The following JARID2 variants were observed in gnomAD, a reference collection of about 807,000 sequenced individuals.
The protein encoded by JARID2 is jumonji and AT-rich interaction domain containing 2.
Under a neutral mutation model 125.6 loss-of-function variants are expected in JARID2, and 21 were observed. That is an observed-to-expected ratio of 0.17 (90% CI 0.12 to 0.24). The LOEUF (loss-of-function observed/expected upper bound fraction) is 0.24. Ranked by LOEUF, JARID2 falls within the 10% of genes least tolerant of loss-of-function variation. JARID2 has a pLI of 1.00. For missense variants in JARID2, 1,303 were observed against 1,639.6 expected (o/e 0.79, Z 3.55); for synonymous variants, 736 against 661.6 (o/e 1.11, Z -1.73).
At chr6:15,456,878 C>CTTTTT (rs71535043) in intron 4 of JARID2, among the ~76,000 whole-genome samples, 1,371 of 95,636 alleles carry the variant, frequency 0.014, 107 homozygotes, top group African/African-American at 0.033. Context: ...GGATGTTAAG[C>CTTTTT]TTTTTTTTTT....
chr6:15,339,866 C>T (rs1400571949), intron 1 of JARID2, among the ~76,000 whole-genome samples: 2 of 152,130 alleles, frequency 1.3e-5, no homozygotes, highest in African/African-American at 4.8e-5. Flanking sequence ...TTATCTGCTC[C>T]CATACAAGGT....
chr6:15,342,048 A>G (rs1229212609), intron 1 of JARID2, among the ~76,000 whole-genome samples: 3 of 152,210 alleles, frequency 2.0e-5, no homozygotes, highest in African/African-American at 7.2e-5. Flanking sequence ...GATAATTATT[A>G]CCATTTTGTG....
intron 1 of JARID2, among the ~76,000 whole-genome samples, chr6:15,372,022 C>G (rs569923586): frequency 7.2e-5 from 11 of 152,308 alleles, no homozygotes; most frequent in Admixed American, 3.9e-4. Context: ...GAGAATTACT[C>G]TCATTCTAGG....
Position 15,496,491 on chromosome 6 carries a change from G to T in JARID2, c.1266G>T (p.Val422=), listed in dbSNP as rs554145993. 6.0e-5 allele frequency: 97 copies of T among 1,609,472 alleles called. No homozygotes were observed. The highest frequency in any genetic ancestry group is 2.0e-4 in the East Asian group (9 of 44,830). Residue 422 remains valine (V), a synonymous_variant, in exon 7 of 18, where the codon GTG becomes GTT. Coordinates refer to ENST00000341776, the MANE Select transcript of JARID2 (RefSeq NM_004973.4). Reference sequence around the variant, plus strand: ...ACCCAAAGTCATGCACTAAGGAGGTGGGGGGGCGGCAGCTGCGGGAGGGCC... The same window carrying T: ...ACCCAAAGTCATGCACTAAGGAGGTTGGGGGGCGGCAGCTGCGGGAGGGCC... The part of the protein sequence containing the change: ...RLNPKSCTKE[V]GGRQLREGLQ...
intron 1 of JARID2, among the ~76,000 whole-genome samples, chr6:15,285,239 T>G (rs1431569950): frequency 1.3e-5 from 2 of 151,436 alleles, no homozygotes; most frequent in Non-Finnish European, 2.9e-5. Context: ...GCCTCCTGAG[T>G]AGCTGGGATT....
intron 1 of JARID2, among the ~76,000 whole-genome samples, chr6:15,280,646 T>G (rs1760715018): frequency 1.4e-5 from 2 of 141,412 alleles, no homozygotes; most frequent in African/African-American, 5.1e-5. Context: ...TTTTTTTTTT[T>G]GAGATGGAGT....
At chr6:15,429,677 CGT>C (rs1250469395) in intron 3 of JARID2, among the ~76,000 whole-genome samples, 1 of 152,090 alleles carries the variant, frequency 6.6e-6, no homozygotes, top group Non-Finnish European at 1.5e-5. Context: ...TGTATGCACA[CGT>C]GTGTGTGTCT....
At chr6:15,385,024 C>T (rs981364901) in intron 2 of JARID2, among the ~76,000 whole-genome samples, 5 of 152,194 alleles carry the variant, frequency 3.3e-5, no homozygotes, top group African/African-American at 1.2e-4. Flanking sequence ...TGGCAGCAGC[C>T]AGCATAAACC....
At chr6:15,274,566 A>G (rs938122286) in intron 1 of JARID2, among the ~76,000 whole-genome samples, 1 of 152,256 alleles carries the variant, frequency 6.6e-6, no homozygotes, top group Admixed American at 6.5e-5. Flanking sequence ...AATTTAACAC[A>G]GGCAAATAAG....
At chr6:15,482,708 G>T (rs1277346035) in intron 5 of JARID2, among the ~76,000 whole-genome samples, 1 of 152,170 alleles carries the variant, frequency 6.6e-6, no homozygotes, top group East Asian at 1.9e-4. Context: ...CTTTGTAGAT[G>T]ATTTCAGTAC....
intron 3 of JARID2, among the ~76,000 whole-genome samples, chr6:15,413,553 G>T (rs532387728): frequency 1.9e-3 from 293 of 152,282 alleles, no homozygotes; most frequent in Non-Finnish European, 3.5e-3. Context: ...TTATAACTTG[G>T]CAAGAGAGCA....
At chr6:15,374,599 T>C (rs1471847798) in intron 2 of JARID2, among the ~76,000 whole-genome samples, 1 of 152,220 alleles carries the variant, frequency 6.6e-6, no homozygotes, top group African/African-American at 2.4e-5. Context: ...CCGGGTTGTA[T>C]AGGAAATAGC....
chr6:15,473,939 G>A (rs889523631), intron 5 of JARID2, among the ~76,000 whole-genome samples: 3 of 152,200 alleles, frequency 2.0e-5, no homozygotes, highest in African/African-American at 4.8e-5. Flanking sequence ...TGGTGGTTTC[G>A]TGAAACCAAA....
chr6:15,489,424 C>T lies in JARID2; in HGVS notation c.906+1882C>T, dbSNP rs185217279. Among the ~76,000 whole-genome samples the T allele has an allele frequency of 3.2e-3, 484 of 152,268 alleles. 2 individuals carry two copies. The highest frequency in any genetic ancestry group is 0.017 in the Middle Eastern group (5 of 294). ...TCATGTTCTCATGCACGGACAGACACGGGTGCGCACATCCTCTTGCACGGT... is the reference window on the plus strand; with the variant it reads ...TCATGTTCTCATGCACGGACAGACATGGGTGCGCACATCCTCTTGCACGGT... On this transcript the variant is annotated intron_variant, in intron 6 of 17. Coordinates refer to ENST00000341776, the MANE Select transcript of JARID2 (RefSeq NM_004973.4).
chr6:15,283,663 G>C (rs1211151487), intron 1 of JARID2, among the ~76,000 whole-genome samples: 1 of 148,896 alleles, frequency 6.7e-6, no homozygotes, highest in Admixed American at 6.7e-5. Flanking sequence ...TATTAAATAT[G>C]TTGCAAATAT....
chr6:15,483,047 C>A (rs1405462810), intron 5 of JARID2, among the ~76,000 whole-genome samples: 2 of 152,192 alleles, frequency 1.3e-5, no homozygotes, highest in African/African-American at 4.8e-5. Context: ...GCAGCAACGA[C>A]TATTAGTTAC....
At chr6:15,414,102 T>A (rs1253407975) in intron 3 of JARID2, among the ~76,000 whole-genome samples, 1 of 152,162 alleles carries the variant, frequency 6.6e-6, no homozygotes, top group Non-Finnish European at 1.5e-5. Flanking sequence ...CAAAAAAATA[T>A]GCCTTTTGTC....
chr6:15,395,554 C>T (rs1462254187), intron 2 of JARID2, among the ~76,000 whole-genome samples: 1 of 152,078 alleles, frequency 6.6e-6, no homozygotes, highest in African/African-American at 2.4e-5. Context: ...TGTGAGCCAC[C>T]ATGCTTGGCC....
chr6:15,517,332 A>C (rs1771611689), intron 17 of JARID2, 64 bp downstream of exon 17: 2 of 1,125,532 alleles, frequency 1.8e-6, no homozygotes, highest in Admixed American at 1.7e-5. Flanking sequence ...TCCCGGCTGG[A>C]TGTAGGCACT....
Sources: gnomAD v4.1 joint callset for allele counts (sites outside exome capture counted in the v4.1 genomes callset) on GRCh38, gnomAD v4.1.1 for gene constraint, MANE v1.5 for transcripts, NCBI Gene and HGNC (gene_info 2026-07-23, HGNC 2026-07-21) for gene names.